Variants in SNTG1 observed in about 807,000 individuals in gnomAD.
SNTG1 encodes gamma-1-syntrophin.
In SNTG1, 39 loss-of-function variants were observed where a neutral mutation model predicts 74.7. The ratio of observed to expected loss-of-function variants is 0.52; its 90% CI spans 0.40 to 0.68. The LOEUF (loss-of-function observed/expected upper bound fraction) is 0.68, where lower values mean the gene tolerates loss of function less well. SNTG1 is among the 30% of genes least tolerant of loss of function. The pLI is 0.00. For synonymous variants in SNTG1, 254 were observed against 217.1 expected, an observed-to-expected ratio of 1.17 and a Z score of -1.49; for missense variants, 685 against 609.5, an observed-to-expected ratio of 1.12 and a Z score of -1.30.
At chr8:50,778,498 C>T (rs1349632059) in intron 18 of SNTG1, among the ~76,000 whole-genome samples, 1 of 151,890 alleles carries the variant, frequency 6.6e-6, no homozygotes, top group Non-Finnish European at 1.5e-5. Flanking sequence ...GCATAAATGT[C>T]TTCTTTTGAG....
At chr8:50,129,436 C>A (rs1455779848) in intron 1 of SNTG1, among the ~76,000 whole-genome samples, 1 of 152,086 alleles carries the variant, frequency 6.6e-6, no homozygotes, top group Non-Finnish European at 1.5e-5. Context: ...CCTCAGAGGA[C>A]CCCAAATATA....
chr8:50,555,166 T>G (rs1451029767), intron 12 of SNTG1, among the ~76,000 whole-genome samples: 2 of 152,186 alleles, frequency 1.3e-5, no homozygotes, highest in African/African-American at 4.8e-5. Context: ...TTGTAATAAG[T>G]GCTCACCGTC....
chr8:50,488,174 A>G (rs2093815902), intron 8 of SNTG1, among the ~76,000 whole-genome samples: 1 of 152,180 alleles, frequency 6.6e-6, no homozygotes, highest in Non-Finnish European at 1.5e-5. Flanking sequence ...CGCATGAAGA[A>G]GTTGATAGAT....
chr8:50,217,584 A>C (rs2084855435), intron 2 of SNTG1, among the ~76,000 whole-genome samples: 1 of 152,196 alleles, frequency 6.6e-6, no homozygotes, highest in Admixed American at 6.6e-5. Context: ...AAATCTATTT[A>C]CAATTTAATT....
intron 1 of SNTG1, among the ~76,000 whole-genome samples, chr8:49,991,928 T>C (rs1267731564): frequency 6.6e-6 from 1 of 152,176 alleles, no homozygotes; most frequent in Non-Finnish European, 1.5e-5. Context: ...TTATGGCATT[T>C]AAATTGGTGA....
chr8:50,366,556 T>C (rs2131111620), intron 2 of SNTG1, among the ~76,000 whole-genome samples: 1 of 151,648 alleles, frequency 6.6e-6, no homozygotes, highest in South Asian at 2.1e-4. Flanking sequence ...TGGGAATGTA[T>C]AATAGGGATC....
At chr8:50,232,268 A>G (rs182885730) in intron 2 of SNTG1, among the ~76,000 whole-genome samples, 137 of 151,554 alleles carry the variant, frequency 9.0e-4, no homozygotes, top group Non-Finnish European at 1.8e-3. Flanking sequence ...AAGGGGTCTT[A>G]TTCCAGGCAA....
chr8:50,236,289 TAGAC>T (rs1052541024), intron 2 of SNTG1, among the ~76,000 whole-genome samples: 1 of 152,154 alleles, frequency 6.6e-6, no homozygotes, highest in Admixed American at 6.5e-5. Context: ...TAACTGAACG[TAGAC>T]AGACATTCCA....
Position 50,502,891 on chromosome 8 carries a change from A to T in SNTG1, c.466+11A>T. 1 of 1,594,508 alleles carries T rather than the reference A, an allele frequency of 6.3e-7. No individual in the cohort carries two copies. The highest frequency in any genetic ancestry group is 8.6e-7 in the Non-Finnish European group (1 of 1,163,846). ...ATGAAGATTGTGCATGTAAGCATTT[A>T]TAAAGAATAGATAAAAGTGCTCACA... On this transcript the variant is annotated intron_variant, in intron 9 of 18. Transcript: ENST00000642720.
intron 17 of SNTG1, among the ~76,000 whole-genome samples, chr8:50,747,362 C>T (rs7003165): frequency 0.054 from 8,192 of 151,910 alleles, 583 homozygotes; most frequent in African/African-American, 0.15. Flanking sequence ...TTTTCTTGAG[C>T]GTGCTACTCA....
At chr8:49,970,481 A>T (rs907818191) in intron 1 of SNTG1, among the ~76,000 whole-genome samples, 15 of 152,196 alleles carry the variant, frequency 9.9e-5, no homozygotes, top group African/African-American at 3.1e-4. Context: ...GGACTAATGC[A>T]GTTGTTTTAG....
At chr8:50,388,678 T>C (rs559699582) in intron 2 of SNTG1, among the ~76,000 whole-genome samples, 1 of 152,304 alleles carries the variant, frequency 6.6e-6, no homozygotes, top group East Asian at 1.9e-4. Context: ...TGATGCAGTC[T>C]GGAGGCAGAA....
intron 2 of SNTG1, among the ~76,000 whole-genome samples, chr8:50,206,986 T>A (rs1287937708): frequency 6.6e-6 from 1 of 152,184 alleles, no homozygotes; most frequent in Non-Finnish European, 1.5e-5. Flanking sequence ...TATTGAGGAT[T>A]TTTGCATTAA....
intron 13 of SNTG1, among the ~76,000 whole-genome samples, chr8:50,604,424 A>C (rs1204816021): frequency 6.7e-6 from 1 of 149,268 alleles, no homozygotes; most frequent in Non-Finnish European, 1.5e-5. Context: ...TCAAAAAAGA[A>C]AGAAAAAAAA....
At chr8:50,276,843 T>G (rs1318097634) in intron 2 of SNTG1, among the ~76,000 whole-genome samples, 1 of 151,684 alleles carries the variant, frequency 6.6e-6, no homozygotes, top group African/African-American at 2.4e-5. Flanking sequence ...TCTTTTTTTC[T>G]TTTCTTTTTT....
chr8:50,033,068 C>T (rs2130767732), intron 1 of SNTG1, among the ~76,000 whole-genome samples: 1 of 151,430 alleles, frequency 6.6e-6, no homozygotes, highest in Admixed American at 6.6e-5. Context: ...ATAGATAATA[C>T]TGCTTTGAAA....
chr8:50,018,320 G>A (rs1028467195), intron 1 of SNTG1, among the ~76,000 whole-genome samples: 15 of 151,974 alleles, frequency 9.9e-5, no homozygotes, highest in African/African-American at 3.6e-4. Flanking sequence ...TAGAAGTATA[G>A]ATCACTTCAG....
intron 10 of SNTG1, among the ~76,000 whole-genome samples, chr8:50,534,524 C>T (rs561157744): frequency 2.0e-5 from 3 of 152,254 alleles, no homozygotes; most frequent in East Asian, 3.9e-4. Flanking sequence ...CTCACGCCTG[C>T]AATCCCAGCA....
intron 2 of SNTG1, among the ~76,000 whole-genome samples, chr8:50,243,207 T>C (rs2086243167): frequency 6.6e-6 from 1 of 152,100 alleles, no homozygotes; most frequent in South Asian, 2.1e-4. Context: ...TCTGTGAAAA[T>C]TAATTATATT....
Sources: allele counts gnomAD v4.1 joint callset (sites outside exome capture counted in the v4.1 genomes callset), GRCh38; gene constraint gnomAD v4.1.1; transcripts MANE v1.5; gene names NCBI Gene and HGNC (gene_info 2026-07-23, HGNC 2026-07-21).